PPM1B: variants seen among roughly 807,000 people sequenced by gnomAD.
PPM1B encodes the protein protein phosphatase 1B.
Under a neutral mutation model 43.0 loss-of-function variants are expected in PPM1B, and 22 were observed. The ratio of observed to expected loss-of-function variants is 0.51; its 90% confidence interval spans 0.37 to 0.73. PPM1B has a LOEUF of 0.73. Among genes scored for constraint, PPM1B ranks in the 30% least tolerant of loss-of-function variants. The probability of loss-of-function intolerance (pLI) is 0.00; values close to 1 mark genes in which losing one functional copy is unlikely to be tolerated. For missense variants in PPM1B, 632 were observed against 584.2 expected (o/e 1.08, Z -0.84); for synonymous variants, 217 against 197.9 (o/e 1.10, Z -0.81).
chr2:44,207,577 A>T (rs1219786272), intron 2 of PPM1B, among the ~76,000 whole-genome samples: 1 of 151,704 alleles, frequency 6.6e-6, no homozygotes, highest in African/African-American at 2.4e-5. Context: ...TATATATGAT[A>T]TGCTTTTTTT....
intron 5 of PPM1B, chr2:44,244,123 A>T: frequency 2.2e-6 from 1 of 447,514 alleles, no homozygotes; most frequent in African/African-American, 2.1e-5. Context: ...TTTTAAATGT[A>T]TACCTTCTTA....
intron 3 of PPM1B, among the ~76,000 whole-genome samples, chr2:44,215,753 T>C (rs1572736979): frequency 6.6e-6 from 1 of 152,326 alleles, no homozygotes; most frequent in East Asian, 1.9e-4. Flanking sequence ...ACTGAGGATA[T>C]AGCAGAAAAA....
intron 5 of PPM1B, among the ~76,000 whole-genome samples, chr2:44,219,454 T>G (rs1669873988): frequency 6.6e-6 from 1 of 152,104 alleles, no homozygotes; most frequent in Non-Finnish European, 1.5e-5. Flanking sequence ...TAGGATTCAT[T>G]GTTGCACAGC....
intron 1 of PPM1B, among the ~76,000 whole-genome samples, chr2:44,200,907 A>C (rs1024559457): frequency 6.6e-6 from 1 of 152,302 alleles, no homozygotes; most frequent in African/African-American, 2.4e-5. Flanking sequence ...GTGGCTGCAC[A>C]TACAAGTCAC....
At chr2:44,200,196 C>G (rs1000755621) in intron 1 of PPM1B, among the ~76,000 whole-genome samples, 2 of 152,174 alleles carry the variant, frequency 1.3e-5, no homozygotes, top group African/African-American at 4.8e-5. Flanking sequence ...CACAGCAGCC[C>G]TATGAGGTAT....
At chr2:44,242,313 AACAC>A (rs953335523) in intron 5 of PPM1B, among the ~76,000 whole-genome samples, 1 of 152,200 alleles carries the variant, frequency 6.6e-6, no homozygotes, top group African/African-American at 2.4e-5. Flanking sequence ...GTACATATAA[AACAC>A]ACATGAAAAT....
rs1667198064 is a variant in PPM1B, at chr2:44,169,288, G to C, written c.-15+14G>C. On this transcript the variant is annotated intron_variant, in intron 1 of 5. Coordinates refer to ENST00000282412, the MANE Select transcript of PPM1B (RefSeq NM_002706.6). ...CCCTTGCCTCAGGTAAGGCCGCCCGGCACCCCGCCGGAGGGGAAGCGGCTG... is the reference window on the plus strand; with the variant it reads ...CCCTTGCCTCAGGTAAGGCCGCCCGCCACCCCGCCGGAGGGGAAGCGGCTG... The C allele has an allele frequency of 6.6e-6, 1 of 152,448 alleles. No individual in the cohort carries two copies. The allele number at this position is 152,448 out of a possible 1,614,324, so 9.4% of individuals were successfully genotyped here.
chr2:44,201,360 C>T lies in PPM1B; in HGVS notation c.161C>T (p.Ser54Leu). The T allele has an allele frequency of 6.2e-7, 1 of 1,614,102 alleles. No homozygotes were observed. The highest frequency in any genetic ancestry group is 8.5e-7 in the Non-Finnish European group (1 of 1,180,024). ...ATTCCTCACGGCTTGGAAGACTGGT[C>T]ATTTTTTGCAGTTTATGATGGTCAT... ...VGIPHGLEDW[S>L]FFAVYDGHAG... The change falls in exon 2 of 6, where the codon TCA becomes TTA. Residue 54 changes from serine to leucine, a missense_variant. By Grantham distance (145) the Ser-to-Leu change is moderately radical. Transcript: ENST00000282412. This position sits in a 1 kb window ranked among gnomAD's most constrained non-coding sequence, Gnocchi z 5.4.
intron 2 of PPM1B, among the ~76,000 whole-genome samples, chr2:44,205,555 A>G (rs990864939): frequency 2.0e-5 from 3 of 152,196 alleles, no homozygotes; most frequent in East Asian, 1.9e-4. Context: ...GGTTTGCTGT[A>G]TATCTTTCCA....
At chr2:44,214,805 CAGAA>C (rs911497720) in intron 3 of PPM1B, among the ~76,000 whole-genome samples, 1 of 152,122 alleles carries the variant, frequency 6.6e-6, no homozygotes, top group African/African-American at 2.4e-5. Context: ...TTCTCCTAGT[CAGAA>C]AGAACTCAAG....
In PPM1B at chr2:44,230,743, T is replaced by C. The variant is rs1670435236; in HGVS notation, c.*25T>C. On this transcript the variant is annotated 3_prime_UTR_variant, in exon 6 of 6. Coordinates refer to ENST00000282412, the MANE Select transcript of PPM1B (RefSeq NM_002706.6). ...ACTTTCCTTTTTGGTAATATTTTTG[T>C]GATCTTTGATGGTTTTTAACCTAGG... The C allele has an allele frequency of 3.1e-6, 5 of 1,595,554 alleles. No homozygotes were observed. Among genetic ancestry groups the C allele is most frequent in the Non-Finnish European group, 4.3e-6 (5 of 1,168,602 alleles).
chr2:44,234,382 G>A, downstream of PPM1B: 1 of 485,746 alleles, frequency 2.1e-6, no homozygotes. Context: ...AGCTGGGCAT[G>A]GTGGTGCTTG....
intron 1 of PPM1B, among the ~76,000 whole-genome samples, chr2:44,173,518 T>G (rs1027383805): frequency 2.6e-5 from 4 of 152,228 alleles, no homozygotes; most frequent in African/African-American, 7.2e-5. Flanking sequence ...CATAAACACT[T>G]TACTTCTGAA....
At chr2:44,227,068 G>A (rs1001990275) in intron 5 of PPM1B, among the ~76,000 whole-genome samples, 1 of 151,728 alleles carries the variant, frequency 6.6e-6, no homozygotes, top group Non-Finnish European at 1.5e-5. Context: ...CAACCTCCTG[G>A]GCTCAAGTGA....
At position 44,231,259 on chromosome 2, in the gene PPM1B, G is replaced by A. The variant is rs1670458897; in HGVS notation, c.*541G>A. On this transcript the variant is annotated 3_prime_UTR_variant, in exon 6 of 6. Coordinates refer to ENST00000282412, the MANE Select transcript of PPM1B (RefSeq NM_002706.6). ...TTACATCTCTGTAGTTTTATTTTTA[G>A]AAGTTGTGAGATATTGGATGTGTGG... The A allele has an allele frequency of 3.1e-6, 3 of 977,406 alleles. No individual in the cohort carries two copies. The South Asian group carries it at 1.4e-4, about 46-fold the overall frequency. The allele number at this position is 977,406 out of a possible 1,614,324, so 60.5% of individuals were successfully genotyped here.
intron 1 of PPM1B, among the ~76,000 whole-genome samples, chr2:44,200,221 A>G (rs1668870011): frequency 6.6e-6 from 1 of 152,312 alleles, no homozygotes; most frequent in Non-Finnish European, 1.5e-5. Context: ...ACAGGTGACT[A>G]AGAAATTTGC....
downstream of PPM1B, among the ~76,000 whole-genome samples, chr2:44,237,553 T>TA (rs1188372490): frequency 6.6e-6 from 1 of 152,202 alleles, no homozygotes. Context: ...TGCTATCTTG[T>TA]AAGTATCCAC....
chr2:44,226,143 C>G (rs887638591), intron 5 of PPM1B, among the ~76,000 whole-genome samples: 1 of 151,638 alleles, frequency 6.6e-6, no homozygotes, highest in Non-Finnish European at 1.5e-5. Context: ...GCCCAGCTAA[C>G]TTTTTGTATT....
At chr2:44,218,871 A>G (rs745966397) in intron 5 of PPM1B, 2 of 464,626 alleles carry the variant, frequency 4.3e-6, no homozygotes, top group East Asian at 1.3e-4. Flanking sequence ...TAAATATCTC[A>G]ATTTCTCCTC....
Sources: gnomAD v4.1 joint callset for allele counts (sites outside exome capture counted in the v4.1 genomes callset) on GRCh38, gnomAD v4.1.1 for gene constraint, Gnocchi (gnomAD v3.1) non-coding constraint, MANE v1.5 for transcripts, NCBI Gene and HGNC (gene_info 2026-07-23, HGNC 2026-07-21) for gene names.